Variants in SSPN observed in about 807,000 individuals in gnomAD.
SSPN encodes the protein sarcospan, also known as K-ras oncogene-associated protein.
In SSPN, 15 loss-of-function variants were observed where a neutral mutation model predicts 19.1. The ratio of observed to expected loss-of-function variants is 0.78; its 90% CI spans 0.52 to 1.21. The LOEUF (loss-of-function observed/expected upper bound fraction) is 1.21. SSPN is among the 50% of genes most tolerant of loss of function. SSPN has a pLI of 0.00. For missense variants in SSPN, 291 were observed against 314.0 expected, an observed-to-expected ratio of 0.93 and a Z score of 0.55; for synonymous variants, 147 against 140.3, an observed-to-expected ratio of 1.05 and a Z score of -0.34.
chr12:26,156,929 G>T (rs1294133549), intron 1 of SSPN, among the ~76,000 whole-genome samples: 1 of 152,210 alleles, frequency 6.6e-6, no homozygotes, highest in Non-Finnish European at 1.5e-5. Context: ...GAATCCAGGT[G>T]TCTGACTCCA....
intron 1 of SSPN, among the ~76,000 whole-genome samples, chr12:26,137,389 A>G (rs1247901471): frequency 1.3e-5 from 2 of 152,222 alleles, no homozygotes; most frequent in South Asian, 2.1e-4. Context: ...TATGCCAGAA[A>G]GAGCATGGCT....
At chr12:26,137,656 ATTTTTTTTTTTTTT>A (rs10597345) in intron 1 of SSPN, among the ~76,000 whole-genome samples, 10 of 76,438 alleles carry the variant, frequency 1.3e-4, no homozygotes, top group African/African-American at 5.9e-4. Flanking sequence ...ATATATATAT[ATTTTTTTTTTTTTT>A]TTTTTTTTTT....
At chr12:26,169,896 TG>T (rs1591859697) in intron 1 of SSPN, among the ~76,000 whole-genome samples, 2 of 152,240 alleles carry the variant, frequency 1.3e-5, no homozygotes, top group African/African-American at 4.8e-5. Context: ...CAGAGCAGGC[TG>T]TGGACCCTAG....
chr12:26,146,929 T>C (rs913490781), intron 1 of SSPN, among the ~76,000 whole-genome samples: 7 of 152,220 alleles, frequency 4.6e-5, no homozygotes, highest in South Asian at 4.1e-4. Flanking sequence ...TACATACTTT[T>C]ACTTATAAAC....
intron 1 of SSPN, among the ~76,000 whole-genome samples, chr12:26,200,787 TATA>T (rs1218506524): frequency 6.6e-6 from 1 of 151,754 alleles, no homozygotes; most frequent in Non-Finnish European, 1.5e-5. Flanking sequence ...GCTTCCAAAA[TATA>T]ATGTCGCATC....
chr12:26,225,766 A>G (rs1322518949), intron 2 of SSPN, among the ~76,000 whole-genome samples: 6 of 111,216 alleles, frequency 5.4e-5, no homozygotes, highest in Non-Finnish European at 1.2e-4. Flanking sequence ...AAAAAAAAAA[A>G]GCCAGAAAGC....
At chr12:26,143,290 T>C (rs569368854) in intron 1 of SSPN, among the ~76,000 whole-genome samples, 1 of 152,386 alleles carries the variant, frequency 6.6e-6, no homozygotes, top group East Asian at 1.9e-4. Context: ...CATAAGCTCC[T>C]GTGTAATCAT....
At chr12:26,140,651 T>C (rs896480716) in intron 1 of SSPN, among the ~76,000 whole-genome samples, 2 of 152,152 alleles carry the variant, frequency 1.3e-5, no homozygotes, top group African/African-American at 4.8e-5. Context: ...TTTAAAATTG[T>C]GTAGCACCTT....
chr12:26,147,265 G>T lies in SSPN; in HGVS notation c.-31+25113G>T, dbSNP rs536518663. Among the ~76,000 whole-genome samples the T allele has an allele frequency of 1.3e-4, 12 of 89,008 alleles. No homozygotes were observed. In the South Asian group the frequency reaches 1.7e-3, roughly 13 times the overall value. 58.4% of individuals were successfully genotyped at this position (89,008 alleles called of 152,430 possible). A position where few individuals can be genotyped will look rare whatever the true frequency, so the allele number is the denominator to read the frequency against. On this transcript the variant is annotated intron_variant, in intron 1 of 2. Transcript: ENST00000538142. Reference sequence around the variant, plus strand: ...GAGAAAATGAAAACGATAATTTTTGGGGTTTTTTTTGTGTTTTTTTTTTTT... The same window carrying T: ...GAGAAAATGAAAACGATAATTTTTGTGGTTTTTTTTGTGTTTTTTTTTTTT...
chr12:26,180,377 G>A (rs773658500), intron 1 of SSPN: 1 of 152,104 alleles, frequency 6.6e-6, no homozygotes, highest in Non-Finnish European at 1.5e-5. Context: ...TGAACAGAGT[G>A]TCCTGACACC....
intron 1 of SSPN, among the ~76,000 whole-genome samples, chr12:26,147,268 TTTTTTTTGTG>T: frequency 1.0e-5 from 1 of 99,940 alleles, no homozygotes; most frequent in Non-Finnish European, 2.3e-5. Flanking sequence ...ATTTTTGGGG[TTTTTTTTGTG>T]TTTTTTTTTT....
At chr12:26,123,275 T>A in intron 1 of SSPN, 3 of 1,378,338 alleles carry the variant, frequency 2.2e-6, no homozygotes, top group Non-Finnish European at 2.9e-6. Context: ...TCGACTAAAG[T>A]GATCTCGGTT....
chr12:26,195,894 G>T lies in SSPN; in HGVS notation c.222G>T (p.Met74Ile). Residue 74 changes from methionine to isoleucine, a missense_variant, in exon 1 of 3, where the codon ATG (methionine) becomes ATT (isoleucine). Physicochemically the swap from Met to Ile is conservative, Grantham distance 10 (BLOSUM62 1). Coordinates refer to ENST00000242729, the MANE Select transcript of SSPN (RefSeq NM_005086.5). Reference protein sequence around the residue: ...GIAVTVVGFLMASISSSLLVR... With the variant: ...GIAVTVVGFLIASISSSLLVR... The stretch of plus-strand genomic sequence containing the variant: ...CCGTGACCGTGGTGGGCTTCCTCAT[G>T]GCGAGCATCAGCTCCTCCCTGCTAG... The T allele has an allele frequency of 6.3e-7, 1 of 1,578,574 alleles. No homozygotes were observed. Among genetic ancestry groups the T allele is most frequent in the Non-Finnish European group, 8.6e-7 (1 of 1,165,264 alleles).
intron 1 of SSPN, among the ~76,000 whole-genome samples, chr12:26,154,306 A>G (rs770768818): frequency 6.6e-6 from 1 of 152,208 alleles, no homozygotes; most frequent in Admixed American, 6.5e-5. Flanking sequence ...AGGACAGACC[A>G]TGTGTGTTAT....
At chr12:26,124,046 G>T in intron 1 of SSPN, 1 of 1,448,932 alleles carries the variant, frequency 6.9e-7, no homozygotes, top group Non-Finnish European at 9.7e-7. Context: ...TTGGAGAGCA[G>T]CAAAGAATGA....
chr12:26,186,679 T>C (rs1944756260), intron 1 of SSPN, among the ~76,000 whole-genome samples: 1 of 152,264 alleles, frequency 6.6e-6, no homozygotes, highest in Admixed American at 6.5e-5. Context: ...GAGATTCACC[T>C]GGGTTACTGC....
At chr12:26,168,204 C>A (rs1944632605) in intron 1 of SSPN, among the ~76,000 whole-genome samples, 1 of 119,820 alleles carries the variant, frequency 8.3e-6, no homozygotes, top group Admixed American at 9.4e-5. Context: ...CAGAGTGAGA[C>A]CCTGTCTCAG....
intron 1 of SSPN, among the ~76,000 whole-genome samples, chr12:26,127,939 G>C (rs1694812755): frequency 6.6e-6 from 1 of 152,206 alleles, no homozygotes; most frequent in African/African-American, 2.4e-5. Context: ...TAGAGTACCA[G>C]ACTGCATTCA....
chr12:26,123,161 T>C, intron 1 of SSPN: 1 of 1,592,174 alleles, frequency 6.3e-7, no homozygotes, highest in East Asian at 2.2e-5. Flanking sequence ...ATTTCAGAGA[T>C]CGCTCCCCTA....
Sources: gnomAD v4.1 joint callset for allele counts (sites outside exome capture counted in the v4.1 genomes callset) on GRCh38, gnomAD v4.1.1 for gene constraint, MANE v1.5 for transcripts, NCBI Gene and HGNC (gene_info 2026-07-23, HGNC 2026-07-21) for gene names.